The following COMMD3 variants were observed in gnomAD, a reference collection of about 807,000 sequenced individuals.
The protein encoded by COMMD3 is COMM domain-containing protein 3.
In COMMD3, 31 loss-of-function variants were observed where a neutral mutation model predicts 31.2. That is an observed-to-expected ratio of 0.99 (90% CI 0.75 to 1.34). COMMD3 has a LOEUF of 1.34. COMMD3 is among the 40% of genes most tolerant of loss of function. The pLI, the probability that COMMD3 is intolerant of heterozygous loss-of-function variation, is 0.00. For synonymous variants in COMMD3, 108 were observed against 87.3 expected (o/e 1.24, Z -1.32); for missense variants, 274 against 236.9 (o/e 1.16, Z -1.03).
Position 22,318,857 on chromosome 10 carries a change from G to A in COMMD3, c.463G>A (p.Val155Ile). Residue 155 changes from valine (V) to isoleucine (I), a missense_variant, in exon 6 of 8, where the codon GTA becomes ATA. Physicochemically the swap from Val to Ile is conservative, Grantham distance 29 (BLOSUM62 3). Coordinates refer to ENST00000376836, the MANE Select transcript of COMMD3 (RefSeq NM_012071.4). ...ACCTGCATATTTGGTGACCTTAAGT[G>A]TACAGGTATTTATAGATAAGTCTTA... ...YRPAYLVTLS[V>I]QNTDSPSYPE... 1.9e-6 allele frequency: 3 copies of A among 1,613,584 alleles called. No individual in the cohort carries two copies. In the South Asian group the frequency reaches 3.3e-5, roughly 18 times the overall value.
In COMMD3 at chr10:22,318,158, C is replaced by T. The variant is rs148962388; in HGVS notation, c.305C>T (p.Thr102Met). Residue 102 changes from threonine (T) to methionine (M), a missense_variant, in exon 3 of 8, where the codon ACG (threonine) becomes ATG (methionine). Physicochemically the swap from Thr to Met is moderately conservative, Grantham distance 81. Coordinates refer to ENST00000376836, the MANE Select transcript of COMMD3 (RefSeq NM_012071.4). The stretch of plus-strand genomic sequence containing the variant: ...AGAGAGCGAATAGAACTGTTTTGCA[C>T]GGAATATCAGGTTACTTACTTTAAA... ...FDRERIELFCTEYQNNKNSLE... is the reference protein window; with the variant it reads ...FDRERIELFCMEYQNNKNSLE... The T allele has an allele frequency of 5.0e-5, 81 of 1,612,466 alleles. No homozygotes were observed. Among genetic ancestry groups the T allele is most frequent in the African/African-American group, 2.3e-4 (17 of 74,818 alleles).
At chr10:22,318,754 C>T (rs1835901872) in intron 5 of COMMD3, 41 bp downstream of exon 5, 8 of 1,612,692 alleles carry the variant, frequency 5.0e-6, no homozygotes, top group Non-Finnish European at 5.9e-6. Flanking sequence ...ATTTAGGGAA[C>T]TTCTTAAAAC....
chr10:22,318,277 TAAG>T lies in COMMD3; in HGVS notation c.324_326del (p.Lys108del), dbSNP rs756289431. 2.5e-6 allele frequency: 4 copies of T among 1,602,908 alleles called. No homozygotes were observed. The highest frequency in any genetic ancestry group is 3.4e-6 in the Non-Finnish European group (4 of 1,177,252). On this transcript the variant is annotated inframe_deletion, in exon 4 of 8. Coordinates refer to ENST00000376836, the MANE Select transcript of COMMD3 (RefSeq NM_012071.4). ...GCTTTCTTTTTTCTCTCCAGAATAA[TAAG>T]AATTCCCTAGAAATCCTACTGGGAA...
At chr10:22,318,016 T>G in intron 2 of COMMD3, 21 bp downstream of exon 2, 1 of 1,611,806 alleles carries the variant, frequency 6.2e-7, no homozygotes, top group Non-Finnish European at 8.5e-7. Flanking sequence ...TATTTAAATA[T>G]CCATTTATTT....
In COMMD3 at chr10:22,318,462, T is replaced by C. The variant is rs1450803431; in HGVS notation, c.350+156T>C. 9 of 1,181,304 alleles carry C rather than the reference T, an allele frequency of 7.6e-6. No homozygotes were observed. The East Asian group carries it at 2.1e-4, about 28-fold the overall frequency. The allele number at this position is 1,181,304 out of a possible 1,614,324, so 73.2% of individuals were successfully genotyped here. On this transcript the variant is annotated intron_variant, in intron 4 of 7. Transcript: ENST00000376836. ...GAAGTTAAGCTCATGTTTTTAAAGATCGTTTATTGAGATGATTTTGAAATG... is the reference window on the plus strand; with the variant it reads ...GAAGTTAAGCTCATGTTTTTAAAGACCGTTTATTGAGATGATTTTGAAATG...
At chr10:22,317,786 G>T in intron 1 of COMMD3, 98 bp from the exon 2 acceptor site, 1 of 1,279,654 alleles carries the variant, frequency 7.8e-7, no homozygotes, top group East Asian at 2.3e-5. Flanking sequence ...TTTTAATCTT[G>T]TTAAAGGGTT....
In COMMD3 at chr10:22,319,930, G is replaced by A. The variant is rs779052958; in HGVS notation, c.529-9G>A. 4 of 1,613,838 alleles carry A rather than the reference G, an allele frequency of 2.5e-6. No homozygotes were observed. The highest frequency in any genetic ancestry group is 4.5e-5 in the East Asian group (2 of 44,872). ...CCTAAAAACGTGGTATTGTATACAC[G>A]TCTTTTAGGACTTGGTGGGGAAACT... On this transcript the variant is annotated splice_polypyrimidine_tract_variant and intron_variant, in intron 7 of 7. Transcript: ENST00000376836.
chr10:22,317,743 T>G, intron 1 of COMMD3, 141 bp from the exon 2 acceptor site: 2 of 712,488 alleles, frequency 2.8e-6, no homozygotes, highest in Non-Finnish European at 4.5e-6. Context: ...CTCATCTCAT[T>G]TACTTATAAT....
chr10:22,318,309 A>G lies in COMMD3; in HGVS notation c.350+3A>G. The G allele has an allele frequency of 6.2e-7, 1 of 1,602,932 alleles. No homozygotes were observed. The highest frequency in any genetic ancestry group is 8.5e-7 in the Non-Finnish European group (1 of 1,177,190). ...TCCCTAGAAATCCTACTGGGAAGGTAGGTACTGTATAAGGTGTCAAGCTGA... is the reference window on the plus strand; with the variant it reads ...TCCCTAGAAATCCTACTGGGAAGGTGGGTACTGTATAAGGTGTCAAGCTGA... On this transcript the variant is annotated splice_donor_region_variant and intron_variant, in intron 4 of 7. Coordinates refer to ENST00000376836, the MANE Select transcript of COMMD3 (RefSeq NM_012071.4).
At position 22,320,105 on chromosome 10, in the gene COMMD3, A is replaced by G. The variant is rs757072820; in HGVS notation, c.*107A>G. 17 of 1,599,012 alleles carry G rather than the reference A, an allele frequency of 1.1e-5. No homozygotes were observed. The highest frequency in any genetic ancestry group is 1.4e-5 in the Non-Finnish European group (16 of 1,172,058). ...CTGGATGTCCTTTTCAGTAGAAAAG[A>G]ATTTTCCTTTTGAATTTATACCATT... On this transcript the variant is annotated 3_prime_UTR_variant, in exon 8 of 8. Coordinates refer to ENST00000376836, the MANE Select transcript of COMMD3 (RefSeq NM_012071.4).
In COMMD3 at chr10:22,319,929, C is replaced by T. The variant is rs755082282; in HGVS notation, c.529-10C>T. The T allele has an allele frequency of 5.0e-6, 8 of 1,613,958 alleles. No individual in the cohort carries two copies. Among genetic ancestry groups the T allele is most frequent in the South Asian group, 3.3e-5 (3 of 91,070 alleles). On this transcript the variant is annotated splice_polypyrimidine_tract_variant and intron_variant, in intron 7 of 7. Coordinates refer to ENST00000376836, the MANE Select transcript of COMMD3 (RefSeq NM_012071.4). ...TCCTAAAAACGTGGTATTGTATACACGTCTTTTAGGACTTGGTGGGGAAAC... is the reference window on the plus strand; with the variant it reads ...TCCTAAAAACGTGGTATTGTATACATGTCTTTTAGGACTTGGTGGGGAAAC...
intron 4 of COMMD3, 56 bp from the exon 5 acceptor site, chr10:22,318,597 T>A: frequency 6.8e-7 from 1 of 1,463,578 alleles, no homozygotes; most frequent in Non-Finnish European, 9.5e-7. Flanking sequence ...TAAATATAAA[T>A]AACTGAAAAG....
In COMMD3 at chr10:22,318,095, T is replaced by A. The variant is rs1452498920; in HGVS notation, c.252-10T>A. The stretch of plus-strand genomic sequence containing the variant: ...AGACAGAACTTTGGCTTTTTTTTTC[T>A]TTCTTCTAGCACTTATCTAGAAGAC... On this transcript the variant is annotated splice_polypyrimidine_tract_variant and intron_variant, in intron 2 of 7. Transcript: ENST00000376836. 7.5e-6 allele frequency: 12 copies of A among 1,609,558 alleles called. No individual in the cohort carries two copies. The highest frequency in any genetic ancestry group is 1.0e-5 in the Non-Finnish European group (12 of 1,178,802).
In COMMD3 at chr10:22,320,022, C is replaced by A. The variant is rs754080065; in HGVS notation, c.*24C>A. 14 of 1,614,050 alleles carry A rather than the reference C, an allele frequency of 8.7e-6. No individual in the cohort carries two copies. The highest frequency in any genetic ancestry group is 1.1e-5 in the Non-Finnish European group (13 of 1,179,976). ...AACTTGGGGAAGTTAACGATCCGCC[C>A]GAGTGCAGAGGAAAACCAGAAACGC... On this transcript the variant is annotated 3_prime_UTR_variant, in exon 8 of 8. Transcript: ENST00000376836.
chr10:22,319,277 G>A (rs1482662287), intron 7 of COMMD3: 3 of 345,152 alleles, frequency 8.7e-6, no homozygotes, highest in Non-Finnish European at 1.5e-5. Context: ...AGTGTTTAGT[G>A]TAAATTTCTT....
At chr10:22,319,786 C>A in intron 7 of COMMD3, 153 bp from the exon 8 acceptor site, 1 of 877,322 alleles carries the variant, frequency 1.1e-6, no homozygotes. Context: ...GCTTTTTTTG[C>A]CCGATAGTAG....
At position 22,316,545 on chromosome 10, in the gene COMMD3, A is replaced by C; in HGVS notation, c.128A>C (p.Glu43Ala). The C allele has an allele frequency of 6.5e-7, 1 of 1,548,318 alleles. No homozygotes were observed. Among genetic ancestry groups the C allele is most frequent in the Non-Finnish European group, 8.7e-7 (1 of 1,145,502 alleles). Residue 43 changes from glutamate to alanine, a missense_variant, in exon 1 of 8, where the codon GAG becomes GCG. By Grantham distance (107) the Glu-to-Ala change is moderately radical. Transcript: ENST00000376836. ...FQSLLDAQAD[E>A]AVLDHPDLKH... ...AGTCTGCTGGACGCCCAGGCGGACG[A>C]GGCCGTGTTAGGTAAGCCGCTCGGC...
rs776224421 is a variant in COMMD3, at chr10:22,320,213, C to G, written c.*215C>G. The G allele has an allele frequency of 6.2e-5, 80 of 1,288,458 alleles. No individual in the cohort carries two copies. The Middle Eastern group carries it at 8.3e-4, about 13-fold the overall frequency. The allele number at this position is 1,288,458 out of a possible 1,614,324, so 79.8% of individuals were successfully genotyped here. A position where few individuals can be genotyped will look rare whatever the true frequency, so the allele number is the denominator to read the frequency against. ...AAGTATTTGAATCGTTTAGTAGTAA[C>G]TGTCCATTTATCCTATTTTGATCTT... On this transcript the variant is annotated 3_prime_UTR_variant, in exon 8 of 8. Coordinates refer to ENST00000376836, the MANE Select transcript of COMMD3 (RefSeq NM_012071.4).
In COMMD3 at chr10:22,320,091, T is replaced by G. The variant is rs371850122; in HGVS notation, c.*93T>G. 3.7e-4 allele frequency: 588 copies of G among 1,608,400 alleles called. 1 individual carries two copies. The African/African-American group carries it at 7.2e-3, about 20-fold the overall frequency. On this transcript the variant is annotated 3_prime_UTR_variant, in exon 8 of 8. Coordinates refer to ENST00000376836, the MANE Select transcript of COMMD3 (RefSeq NM_012071.4). ...ACCGTTTGTGCGAGCTGGATGTCCT[T>G]TTCAGTAGAAAAGAATTTTCCTTTT... is the stretch of plus-strand genomic sequence containing the variant.
Sources: gnomAD v4.1 joint callset for allele counts on GRCh38, gnomAD v4.1.1 for gene constraint, MANE v1.5 for transcripts, NCBI Gene and HGNC (gene_info 2026-07-23, HGNC 2026-07-21) for gene names.